Variants in TVP23B observed in about 807,000 individuals in gnomAD.
The protein encoded by TVP23B is trans-golgi network vesicle protein 23 homolog B.
A neutral mutation model predicts 30.6 loss-of-function variants in TVP23B; 10 were observed. The ratio of observed to expected loss-of-function variants is 0.33; its 90% CI spans 0.20 to 0.55. TVP23B has a LOEUF of 0.55. TVP23B is among the 20% of genes least tolerant of loss of function. The probability of loss-of-function intolerance (pLI) is 0.91; values close to 1 mark genes in which losing one functional copy is unlikely to be tolerated. For missense variants in TVP23B, 153 were observed against 243.2 expected (o/e 0.63, Z 2.47); for synonymous variants, 67 against 83.1 (o/e 0.81, Z 1.06).
At chr17:18,801,288 A>G (rs758632119) in intron 5 of TVP23B, among the ~76,000 whole-genome samples, 42 of 151,896 alleles carry the variant, frequency 2.8e-4, no homozygotes, top group Non-Finnish European at 5.3e-4. Context: ...TTCTTCACCT[A>G]TCTTCTGTAT....
chr17:18,782,614 A>T (rs1402504193), intron 1 of TVP23B: 3 of 152,234 alleles, frequency 2.0e-5, no homozygotes, highest in Non-Finnish European at 4.4e-5. Flanking sequence ...TACTCCATAG[A>T]GCAACCTGGA....
At chr17:18,792,940 C>G (rs558066697) in intron 3 of TVP23B, among the ~76,000 whole-genome samples, 11 of 152,150 alleles carry the variant, frequency 7.2e-5, no homozygotes, top group African/African-American at 2.7e-4. Flanking sequence ...TTCATCTAAA[C>G]CCCTAGGTGT....
At chr17:18,799,966 A>G (rs1385845352) in intron 5 of TVP23B, among the ~76,000 whole-genome samples, 1 of 152,006 alleles carries the variant, frequency 6.6e-6, no homozygotes, top group Non-Finnish European at 1.5e-5. Flanking sequence ...TTCTTCTGGT[A>G]GTTACCTTTA....
chr17:18,785,240 A>G (rs377211397), intron 1 of TVP23B, among the ~76,000 whole-genome samples: 7 of 152,288 alleles, frequency 4.6e-5, no homozygotes, highest in African/African-American at 1.2e-4. Context: ...CTCCCTTTCA[A>G]CGCTTTTTGG....
chr17:18,786,140 G>T (rs1567631421), intron 1 of TVP23B, among the ~76,000 whole-genome samples: 2 of 152,098 alleles, frequency 1.3e-5, no homozygotes, highest in Non-Finnish European at 1.5e-5. Context: ...ACCCTCCTTT[G>T]TTTCCCTTGT....
At chr17:18,786,874 G>C (rs1027251408) in intron 1 of TVP23B, among the ~76,000 whole-genome samples, 3 of 148,336 alleles carry the variant, frequency 2.0e-5, no homozygotes, top group African/African-American at 7.5e-5. Context: ...AGGCCTACGC[G>C]GACTGTCAGG....
chr17:18,798,829 T>C lies in TVP23B; in HGVS notation c.348T>C (p.Asn116=). ...TTTTATAGGAGTCCTCTCAAGAGAA[T>C]AAAACTGTGTCAGAGGCTGAATCAA... ...FESRKESSQE[N]KTVSEAESRI... Residue 116 remains asparagine, a synonymous_variant, in exon 5 of 7, where the codon AAT becomes AAC. Transcript: ENST00000307767. The C allele has an allele frequency of 1.2e-6, 2 of 1,613,508 alleles. No homozygotes were observed. The highest frequency in any genetic ancestry group is 2.2e-5 in the East Asian group (1 of 44,818).
intron 1 of TVP23B, among the ~76,000 whole-genome samples, chr17:18,787,265 G>A (rs980883820): frequency 1.6e-4 from 25 of 151,914 alleles, no homozygotes; most frequent in Non-Finnish European, 2.1e-4. Flanking sequence ...CTAATTAGCC[G>A]AGACACACTC....
rs768419202 is a variant in TVP23B at position 18,804,139 on chromosome 17, C to A, written c.464C>A (p.Ala155Glu). The A allele has an allele frequency of 1.2e-6, 2 of 1,613,832 alleles. No homozygotes were observed. The highest frequency in any genetic ancestry group is 1.7e-6 in the Non-Finnish European group (2 of 1,179,810). ...TGATTATTTTTTCCCTTGTCCCAGG[C>A]GGTGGTTATCATGGGTGTGGTGCTA... is the stretch of plus-strand genomic sequence containing the variant. The part of the protein sequence containing the change: ...ALFSFRVKWL[A>E]VVIMGVVLQG... Residue 155 changes from alanine to glutamate, a missense_variant and splice_region_variant, in exon 6 of 7, where the codon GCG (alanine) becomes GAG (glutamate). Physicochemically the swap from Ala to Glu is moderately radical, Grantham distance 107. Coordinates refer to ENST00000307767, the MANE Select transcript of TVP23B (RefSeq NM_016078.6).
chr17:18,783,116 C>T (rs1359752518), intron 1 of TVP23B, among the ~76,000 whole-genome samples: 4 of 135,512 alleles, frequency 3.0e-5, no homozygotes, highest in African/African-American at 1.1e-4. Flanking sequence ...TTCATTCATT[C>T]ATTTATGAGA....
chr17:18,801,458 T>A (rs1372143546), intron 5 of TVP23B, among the ~76,000 whole-genome samples: 1 of 152,200 alleles, frequency 6.6e-6, no homozygotes, highest in African/African-American at 2.4e-5. Flanking sequence ...TCTCCTGATG[T>A]CTGAGGCACG....
At position 18,805,449 on chromosome 17, in the gene TVP23B, A is replaced by G. The variant is rs1257726173; in HGVS notation, c.592-92A>G. On this transcript the variant is annotated intron_variant, in intron 6 of 6. Transcript: ENST00000307767. ...AAGGTAATGCTCTGCTTAGAAATAT[A>G]GAATGTTTTCCTAGGCCTAGTCCCC... is the stretch of plus-strand genomic sequence containing the variant. The G allele has an allele frequency of 2.4e-5, 37 of 1,570,496 alleles. No individual in the cohort carries two copies. In the East Asian group the frequency reaches 2.5e-4, roughly 10 times the overall value.
chr17:18,791,783 T>C (rs1250764289), intron 3 of TVP23B, among the ~76,000 whole-genome samples: 1 of 151,934 alleles, frequency 6.6e-6, no homozygotes, highest in East Asian at 1.9e-4. Flanking sequence ...ATTAGAGAGA[T>C]GGATGGATGG....
At chr17:18,803,601 G>T (rs532672515) in intron 5 of TVP23B, among the ~76,000 whole-genome samples, 132 of 152,364 alleles carry the variant, frequency 8.7e-4, no homozygotes, top group African/African-American at 3.0e-3. Flanking sequence ...CCTTGGAGCT[G>T]TCTCCCTGCT....
At chr17:18,798,976 A>C in intron 5 of TVP23B, 33 bp downstream of exon 5, 1 of 1,593,646 alleles carries the variant, frequency 6.3e-7, no homozygotes, top group African/African-American at 1.4e-5. Flanking sequence ...CAAATAATCC[A>C]TTAAGATGTC....
At chr17:18,791,186 A>ATTTTTT (rs2035987112) in intron 3 of TVP23B, 146 bp downstream of exon 3, 12 of 114,622 alleles carry the variant, frequency 1.0e-4, no homozygotes, top group East Asian at 2.5e-4. Context: ...AATTGCATGT[A>ATTTTTT]GTTTTTTTTT....
intron 2 of TVP23B, 98 bp from the exon 3 acceptor site, chr17:18,790,798 C>G: frequency 6.7e-7 from 1 of 1,493,344 alleles, no homozygotes; most frequent in East Asian, 2.3e-5. Flanking sequence ...TGACAAAACT[C>G]TTCACAGTTA....
chr17:18,802,732 A>C (rs1018541687), intron 5 of TVP23B, among the ~76,000 whole-genome samples: 2 of 152,248 alleles, frequency 1.3e-5, no homozygotes, highest in East Asian at 3.8e-4. Flanking sequence ...ATCTTAAACC[A>C]GAAGTTTAAC....
At chr17:18,788,610 C>A (rs1008399374) in intron 1 of TVP23B, among the ~76,000 whole-genome samples, 1 of 150,864 alleles carries the variant, frequency 6.6e-6, no homozygotes, top group Admixed American at 6.6e-5. Context: ...GGTGAAACCC[C>A]GTCTCAACTA....
Sources: gnomAD v4.1 joint callset for allele counts (sites outside exome capture counted in the v4.1 genomes callset) on GRCh38, gnomAD v4.1.1 for gene constraint, MANE v1.5 for transcripts, NCBI Gene and HGNC (gene_info 2026-07-23, HGNC 2026-07-21) for gene names.